The following PPFIBP2 variants were observed in gnomAD, a reference collection of about 807,000 sequenced individuals.
PPFIBP2 encodes the protein PPFIB scaffold protein 2.
In PPFIBP2, 118 loss-of-function variants were observed where a neutral mutation model predicts 118.3. The ratio of observed to expected loss-of-function variants is 1.00; its 90% CI spans 0.86 to 1.16. PPFIBP2 has a LOEUF of 1.16. Among genes scored for constraint, PPFIBP2 ranks in the 50% most tolerant of loss-of-function variants. The pLI, the probability that PPFIBP2 is intolerant of heterozygous loss-of-function variation, is 0.00. For missense variants in PPFIBP2, 1,195 were observed against 1,073.1 expected (o/e 1.11, Z -1.59); for synonymous variants, 414 against 397.4 (o/e 1.04, Z -0.50).
Position 7,616,411 on chromosome 11 carries a change from G to T in PPFIBP2, c.619-4524G>T, listed in dbSNP as rs569180493. 6.6e-6 allele frequency among the ~76,000 whole-genome samples: 1 copy of T among 152,192 alleles called. No homozygotes were observed. The highest frequency in any genetic ancestry group is 2.4e-5 in the African/African-American group (1 of 41,464). On this transcript the variant is annotated intron_variant, in intron 6 of 23. Coordinates refer to ENST00000299492, the MANE Select transcript of PPFIBP2 (RefSeq NM_003621.5). This position sits in a 1 kb window ranked among gnomAD's most constrained non-coding sequence, Gnocchi z 5.2. ...TGAGTTTGGGGCCAACTCTATGATG[G>T]TTTGCAAGAAGGGAGGAGACAAAGT...
At chr11:7,625,468 A>G (rs1849868685) in intron 7 of PPFIBP2, among the ~76,000 whole-genome samples, 1 of 152,254 alleles carries the variant, frequency 6.6e-6, no homozygotes, top group Admixed American at 6.5e-5. Flanking sequence ...ATTGCACACA[A>G]TCCCAGCTCC....
chr11:7,629,409 C>T, intron 9 of PPFIBP2, 50 bp from the exon 10 acceptor site: 1 of 1,559,490 alleles, frequency 6.4e-7, no homozygotes, highest in Non-Finnish European at 8.8e-7. Flanking sequence ...ATGAAATCAT[C>T]TGAGATGCCA....
intron 6 of PPFIBP2, among the ~76,000 whole-genome samples, chr11:7,620,163 C>T (rs1849170714): frequency 6.6e-6 from 1 of 152,124 alleles, no homozygotes; most frequent in Non-Finnish European, 1.5e-5. Flanking sequence ...GTCACTTCCC[C>T]ACTCAGCAAC....
At chr11:7,656,591 T>G, downstream of PPFIBP2, 1 of 436,730 alleles carries the variant, frequency 2.3e-6, no homozygotes, top group South Asian at 1.8e-5. Context: ...CAGGGTTTCT[T>G]GGGACACTAT....
rs1372924245 is a variant in PPFIBP2 at position 7,624,721 on chromosome 11, A to T, written c.712-1056A>T. Among the ~76,000 whole-genome samples the T allele has an allele frequency of 2.0e-5, 3 of 152,252 alleles. No individual in the cohort carries two copies. The South Asian group carries it at 6.2e-4, about 31-fold the overall frequency. On this transcript the variant is annotated intron_variant, in intron 7 of 23. Transcript: ENST00000299492. ...ACAAAGAAAAGAATAGGATGAGAGGAGCAAATAGCAGTAGCATTTATTGAG... is the reference window on the plus strand; with the variant it reads ...ACAAAGAAAAGAATAGGATGAGAGGTGCAAATAGCAGTAGCATTTATTGAG...
At chr11:7,620,209 G>A (rs1465117824) in intron 6 of PPFIBP2, among the ~76,000 whole-genome samples, 1 of 152,064 alleles carries the variant, frequency 6.6e-6, no homozygotes, top group Non-Finnish European at 1.5e-5. Flanking sequence ...GAATGGCATC[G>A]GAACTCATCA....
intron 7 of PPFIBP2, 34 bp downstream of exon 7, chr11:7,621,061 A>G (rs375627103): frequency 5.3e-6 from 8 of 1,514,740 alleles, no homozygotes; most frequent in Non-Finnish European, 7.3e-6. Context: ...TGGAGAGAGT[A>G]TGAGGGCCTT....
intron 1 of PPFIBP2, among the ~76,000 whole-genome samples, chr11:7,543,561 A>T (rs1235770777): frequency 6.6e-6 from 1 of 152,228 alleles, no homozygotes; most frequent in East Asian, 1.9e-4. Flanking sequence ...AATAGCAGTG[A>T]CTTCCAGATC....
At chr11:7,665,958 C>G in the PPFIBP2 span, 1 of 1,522,720 alleles carries the variant, frequency 6.6e-7, no homozygotes, top group South Asian at 1.2e-5. Flanking sequence ...CAAGCAGGTA[C>G]AGCCGGGAGC....
chr11:7,556,283 G>A lies in PPFIBP2; in HGVS notation c.64+6744G>A, dbSNP rs544078129. 3.8e-3 allele frequency among the ~76,000 whole-genome samples: 585 copies of A among 152,146 alleles called. 5 individuals are homozygous for A. The highest frequency in any genetic ancestry group is 0.013 in the African/African-American group (545 of 41,518). ...ATCCTGGCTAACACAGTGAAACCCCGTCTCTACTAAAAGTACAAAAAATTA... is the reference window on the plus strand; with the variant it reads ...ATCCTGGCTAACACAGTGAAACCCCATCTCTACTAAAAGTACAAAAAATTA... On this transcript the variant is annotated intron_variant, in intron 2 of 23. Coordinates refer to ENST00000299492, the MANE Select transcript of PPFIBP2 (RefSeq NM_003621.5).
At chr11:7,619,984 C>T (rs1849149209) in intron 6 of PPFIBP2, among the ~76,000 whole-genome samples, 1 of 152,174 alleles carries the variant, frequency 6.6e-6, no homozygotes, top group South Asian at 2.1e-4. Flanking sequence ...AGCTAGTCAG[C>T]AGGACCAATT....
chr11:7,564,083 A>G (rs1854655945), intron 2 of PPFIBP2, among the ~76,000 whole-genome samples: 2 of 151,908 alleles, frequency 1.3e-5, no homozygotes, highest in South Asian at 2.1e-4. Context: ...GGAGAATGGC[A>G]TGAACCTGGG....
intron 7 of PPFIBP2, among the ~76,000 whole-genome samples, chr11:7,623,189 A>G (rs1443808074): frequency 6.6e-6 from 1 of 150,664 alleles, no homozygotes; most frequent in African/African-American, 2.5e-5. Flanking sequence ...TGTTTTTGGA[A>G]GTTTTTCACT....
intron 17 of PPFIBP2, chr11:7,647,969 T>A (rs1853362970): frequency 6.5e-6 from 1 of 153,174 alleles, no homozygotes; most frequent in African/African-American, 2.4e-5. Flanking sequence ...TTCTTTTTAA[T>A]GTTAAGAGAA....
intron 17 of PPFIBP2, among the ~76,000 whole-genome samples, chr11:7,645,175 G>A (rs1239280736): frequency 6.6e-6 from 1 of 152,092 alleles, no homozygotes; most frequent in African/African-American, 2.4e-5. Flanking sequence ...GGTTTTGGAG[G>A]ACTTGCTAAG....
chr11:7,573,656 G>C (rs1026854451), intron 3 of PPFIBP2, among the ~76,000 whole-genome samples: 1 of 152,228 alleles, frequency 6.6e-6, no homozygotes, highest in Non-Finnish European at 1.5e-5. Flanking sequence ...GGAGGCTTGA[G>C]CTGCAGTGGC....
chr11:7,622,008 C>G (rs775788371), intron 7 of PPFIBP2, among the ~76,000 whole-genome samples: 15 of 152,236 alleles, frequency 9.9e-5, no homozygotes, highest in Non-Finnish European at 1.9e-4. Context: ...GTGTATTATT[C>G]TCTTCTGTTT....
At chr11:7,656,755 A>G (rs1055508470), downstream of PPFIBP2, 6 of 1,289,822 alleles carry the variant, frequency 4.7e-6, no homozygotes, top group East Asian at 1.7e-4. Context: ...CAGCTGCTGA[A>G]TGACTCTCGC....
At chr11:7,565,491 A>G (rs1854861572) in intron 2 of PPFIBP2, 62 bp from the exon 3 acceptor site, 1 of 1,553,934 alleles carries the variant, frequency 6.4e-7, no homozygotes, top group Non-Finnish European at 8.9e-7. Flanking sequence ...TTTGCTCTTT[A>G]CTAGTACCTT....
Sources: allele counts gnomAD v4.1 joint callset (sites outside exome capture counted in the v4.1 genomes callset), GRCh38; gene constraint gnomAD v4.1.1; non-coding constraint Gnocchi (gnomAD v3.1); transcripts MANE v1.5; gene names NCBI Gene and HGNC (gene_info 2026-07-23, HGNC 2026-07-21).